Variants in ANKRD44 observed in about 807,000 individuals in gnomAD.
ANKRD44 encodes ankyrin repeat domain 44.
Under a neutral mutation model 116.0 loss-of-function variants are expected in ANKRD44, and 35 were observed. The ratio of observed to expected loss-of-function variants is 0.30; its 90% CI spans 0.23 to 0.40. The LOEUF (loss-of-function observed/expected upper bound fraction) is 0.40. Among genes scored for constraint, ANKRD44 ranks in the 10% least tolerant of loss-of-function variants. ANKRD44 has a pLI of 1.00. For missense variants in ANKRD44, 1,014 were observed against 1,242.6 expected, an observed-to-expected ratio of 0.82 and a Z score of 2.77; for synonymous variants, 435 against 461.8, an observed-to-expected ratio of 0.94 and a Z score of 0.74.
At chr2:197,017,953 C>T (rs796096612) in intron 17 of ANKRD44, among the ~76,000 whole-genome samples, 3 of 152,360 alleles carry the variant, frequency 2.0e-5, no homozygotes, top group African/African-American at 7.2e-5. Context: ...CATTTGCTAA[C>T]TCACATGGAG....
intron 16 of ANKRD44, among the ~76,000 whole-genome samples, chr2:197,061,327 C>T (rs541920080): frequency 2.0e-5 from 3 of 152,268 alleles, no homozygotes; most frequent in South Asian, 2.1e-4. Flanking sequence ...TCTGAGTTGT[C>T]GGGTGGGGAC....
chr2:197,007,777 T>C, intron 20 of ANKRD44, 29 bp downstream of exon 20: 1 of 1,464,688 alleles, frequency 6.8e-7, no homozygotes, highest in Admixed American at 1.9e-5. Context: ...AAAAAATTGC[T>C]TGACTAGAGC....
intron 16 of ANKRD44, among the ~76,000 whole-genome samples, chr2:197,037,187 CTT>C (rs1290083069): frequency 2.0e-5 from 3 of 152,294 alleles, no homozygotes; most frequent in Admixed American, 2.0e-4. Flanking sequence ...CTTGTTTCTA[CTT>C]TTTTGCATAT....
chr2:196,967,315 A>G (rs1261006423), exon 22 of ANKRD44: 4 of 378,904 alleles, frequency 1.1e-5, no homozygotes, highest in Non-Finnish European at 2.3e-5. Context: ...CCCTTCCCCA[A>G]CCGCAGCTCC....
intron 8 of ANKRD44, among the ~76,000 whole-genome samples, chr2:197,112,896 A>G (rs951234087): frequency 6.6e-6 from 1 of 152,210 alleles, no homozygotes; most frequent in Non-Finnish European, 1.5e-5. Flanking sequence ...ATTATATTCT[A>G]TAAGTCTATT....
intron 16 of ANKRD44, among the ~76,000 whole-genome samples, chr2:197,051,772 C>T (rs1047380945): frequency 2.0e-5 from 3 of 151,940 alleles, no homozygotes; most frequent in Non-Finnish European, 4.4e-5. Flanking sequence ...GCATTGTAAC[C>T]CCTAGGGGAC....
intron 2 of ANKRD44, among the ~76,000 whole-genome samples, chr2:197,179,014 T>G (rs2080438097): frequency 6.6e-6 from 1 of 152,102 alleles, no homozygotes; most frequent in African/African-American, 2.4e-5. Flanking sequence ...GAGGCTGCAG[T>G]GAGCTATAAC....
Position 197,025,265 on chromosome 2 carries a change from A to G in ANKRD44, c.1653T>C (p.Leu551=), listed in dbSNP as rs775350999. ...CAAATCCACTGTTTGTTCTTTCCAA[A>G]AGCTGTGGAGACAAAAAGCAAACAA... ...AYGHRQCLEL[L]LERTNSGFEE... is the part of the protein sequence containing the mutation. Residue 551 remains leucine (L), a splice_region_variant and synonymous_variant, in exon 17 of 28, where the codon CTT becomes CTC. Coordinates refer to ENST00000282272, the MANE Select transcript of ANKRD44 (RefSeq NM_001195144.2). 1.9e-5 allele frequency: 31 copies of G among 1,609,916 alleles called. No homozygotes were observed. The highest frequency in any genetic ancestry group is 2.5e-5 in the Non-Finnish European group (30 of 1,176,778).
intron 8 of ANKRD44, among the ~76,000 whole-genome samples, chr2:197,116,468 G>A (rs1480423985): frequency 6.6e-6 from 1 of 152,184 alleles, no homozygotes; most frequent in African/African-American, 2.4e-5. Context: ...ACCACGCTCT[G>A]CGACTTCAGC....
intron 1 of ANKRD44, among the ~76,000 whole-genome samples, chr2:197,280,486 C>T (rs1370705975): frequency 2.0e-5 from 3 of 152,174 alleles, no homozygotes; most frequent in Non-Finnish European, 4.4e-5. Flanking sequence ...TTTTCAGTTA[C>T]CTGTGCCTGA....
chr2:197,138,803 G>T lies in ANKRD44; in HGVS notation c.191-2141C>A, dbSNP rs1192605689. 2.6e-5 allele frequency among the ~76,000 whole-genome samples: 4 copies of T among 152,272 alleles called. No individual in the cohort carries two copies. In the East Asian group the frequency reaches 7.7e-4, roughly 29 times the overall value. ...GTCACAAACATCACTCAGACCATAT[G>T]CAGTCCTAGAGAGCTGGAATTATTT... is the stretch of plus-strand genomic sequence containing the variant. On this transcript the variant is annotated intron_variant, in intron 3 of 27. Coordinates refer to ENST00000282272, the MANE Select transcript of ANKRD44 (RefSeq NM_001195144.2).
chr2:197,063,821 G>A (rs752726711), intron 16 of ANKRD44, among the ~76,000 whole-genome samples: 5 of 152,202 alleles, frequency 3.3e-5, no homozygotes, highest in African/African-American at 2.4e-5. Flanking sequence ...CCAAATCTAC[G>A]TCTGATTGGT....
At chr2:197,085,237 T>C (rs948890473) in intron 13 of ANKRD44, among the ~76,000 whole-genome samples, 12 of 152,278 alleles carry the variant, frequency 7.9e-5, no homozygotes, top group Non-Finnish European at 1.6e-4. Flanking sequence ...ACATATTAGA[T>C]TGCATATGTT....
intron 10 of ANKRD44, among the ~76,000 whole-genome samples, chr2:197,097,511 G>A (rs1181881581): frequency 2.0e-5 from 3 of 152,030 alleles, no homozygotes; most frequent in African/African-American, 4.8e-5. Flanking sequence ...TTTAACTTAC[G>A]ACATCCCAAT....
chr2:197,007,681 C>G, intron 20 of ANKRD44, 125 bp downstream of exon 20: 1 of 697,686 alleles, frequency 1.4e-6, no homozygotes, highest in South Asian at 1.8e-5. Flanking sequence ...TATTAGGAAA[C>G]AATTTTTGCT....
At chr2:197,105,383 G>A (rs972315293) in intron 9 of ANKRD44, among the ~76,000 whole-genome samples, 1 of 152,158 alleles carries the variant, frequency 6.6e-6, no homozygotes, top group African/African-American at 2.4e-5. Context: ...AAAGTGCTGG[G>A]ATTACAAGCG....
At chr2:197,187,653 TCTCTCTC>T (rs1438582234) in intron 1 of ANKRD44, among the ~76,000 whole-genome samples, 6 of 149,592 alleles carry the variant, frequency 4.0e-5, no homozygotes, top group African/African-American at 1.5e-4. Flanking sequence ...ATTCTCTCTC[TCTCTCTC>T]TCTCTCTCTC....
intron 3 of ANKRD44, among the ~76,000 whole-genome samples, chr2:197,141,767 T>C (rs1396464473): frequency 6.6e-6 from 1 of 152,170 alleles, no homozygotes; most frequent in Non-Finnish European, 1.5e-5. Flanking sequence ...AAAACCAGAG[T>C]TATCTGAATG....
intron 17 of ANKRD44, among the ~76,000 whole-genome samples, chr2:197,022,713 C>T (rs1252417734): frequency 2.6e-5 from 4 of 152,168 alleles, no homozygotes; most frequent in Non-Finnish European, 5.9e-5. Context: ...TAAAATAGCA[C>T]CCTGGCCAGG....
Sources: gnomAD v4.1 joint callset for allele counts (sites outside exome capture counted in the v4.1 genomes callset) on GRCh38, gnomAD v4.1.1 for gene constraint, MANE v1.5 for transcripts, NCBI Gene and HGNC (gene_info 2026-07-23, HGNC 2026-07-21) for gene names.